DACH1: variants seen among roughly 807,000 people sequenced by gnomAD.
DACH1 encodes the protein dachshund family transcription factor 1.
DACH1 carries 12 observed loss-of-function variants against 54.2 expected under a neutral mutation model. The ratio of observed to expected loss-of-function variants is 0.22; its 90% CI spans 0.14 to 0.36. DACH1 has a LOEUF of 0.36. DACH1 is among the 10% of genes least tolerant of loss of function. The pLI is 1.00. For missense variants in DACH1, 805 were observed against 929.8 expected (o/e 0.87, Z 1.75); for synonymous variants, 386 against 366.2 (o/e 1.05, Z -0.62).
intron 1 of DACH1, among the ~76,000 whole-genome samples, chr13:71,709,759 C>T (rs1244495193): frequency 1.3e-5 from 2 of 152,156 alleles, no homozygotes; most frequent in East Asian, 1.9e-4. Context: ...GGGTACTGTC[C>T]GCCATTTCAG....
intron 1 of DACH1, among the ~76,000 whole-genome samples, chr13:71,694,803 C>T (rs767879169): frequency 1.3e-5 from 2 of 152,018 alleles, no homozygotes; most frequent in Non-Finnish European, 2.9e-5. Flanking sequence ...GCCTTAAAAG[C>T]GTTGTTTAAA....
intron 2 of DACH1, among the ~76,000 whole-genome samples, chr13:71,679,637 T>C (rs1880776741): frequency 1.3e-5 from 2 of 152,072 alleles, no homozygotes; most frequent in African/African-American, 2.4e-5. Flanking sequence ...ATTAATTATG[T>C]CACAAAGACT....
intron 6 of DACH1, among the ~76,000 whole-genome samples, chr13:71,544,744 T>C (rs1382260771): frequency 6.6e-6 from 1 of 152,086 alleles, no homozygotes; most frequent in Non-Finnish European, 1.5e-5. Context: ...TTGTAAATAA[T>C]ATAGACCCCA....
chr13:71,694,135 G>A (rs1333455466), intron 1 of DACH1, among the ~76,000 whole-genome samples: 1 of 152,108 alleles, frequency 6.6e-6, no homozygotes, highest in Non-Finnish European at 1.5e-5. Context: ...TCACTGACAA[G>A]TTATTTGTAT....
At chr13:71,774,000 GCAA>G (rs1885966384) in intron 1 of DACH1, among the ~76,000 whole-genome samples, 3 of 148,126 alleles carry the variant, frequency 2.0e-5, no homozygotes, top group African/African-American at 4.9e-5. Flanking sequence ...AGGAACAATA[GCAA>G]CAACACCACA....
intron 6 of DACH1, among the ~76,000 whole-genome samples, chr13:71,522,724 T>G (rs897761392): frequency 2.6e-5 from 4 of 152,100 alleles, no homozygotes; most frequent in Non-Finnish European, 4.4e-5. Flanking sequence ...CATTCAGGAA[T>G]GACAGTTTAA....
At chr13:71,570,902 T>A (rs543870210) in intron 4 of DACH1, among the ~76,000 whole-genome samples, 10 of 152,284 alleles carry the variant, frequency 6.6e-5, no homozygotes, top group African/African-American at 2.2e-4. Flanking sequence ...AGTATTCTAA[T>A]TAACAAGTAG....
chr13:71,776,382 A>G (rs1012413690), intron 1 of DACH1, among the ~76,000 whole-genome samples: 1 of 152,144 alleles, frequency 6.6e-6, no homozygotes, highest in Non-Finnish European at 1.5e-5. Flanking sequence ...TTGACATGTA[A>G]CACCTATGTA....
chr13:71,767,096 G>C (rs1020607340), intron 1 of DACH1, among the ~76,000 whole-genome samples: 3 of 151,790 alleles, frequency 2.0e-5, no homozygotes, highest in African/African-American at 7.3e-5. Flanking sequence ...TAATTACTTA[G>C]TCATTGGCAA....
chr13:71,708,004 G>A (rs1237096927), intron 1 of DACH1, among the ~76,000 whole-genome samples: 1 of 151,606 alleles, frequency 6.6e-6, no homozygotes, highest in African/African-American at 2.4e-5. Context: ...TACTTGGTGA[G>A]TAATCTAACT....
At chr13:71,605,330 G>A (rs56900762) in intron 3 of DACH1, among the ~76,000 whole-genome samples, 8,505 of 151,726 alleles carry the variant, frequency 0.056, 439 homozygotes, top group African/African-American at 0.12. Flanking sequence ...CTAATGTATT[G>A]TAATATGATA....
intron 1 of DACH1, among the ~76,000 whole-genome samples, chr13:71,855,851 C>A (rs1594306880): frequency 1.3e-5 from 2 of 151,878 alleles, no homozygotes; most frequent in African/African-American, 4.8e-5. Context: ...AAAAAAGTTT[C>A]TTCTCCTACT....
At chr13:71,502,366 G>A (rs907223405) in intron 6 of DACH1, among the ~76,000 whole-genome samples, 1 of 152,142 alleles carries the variant, frequency 6.6e-6, no homozygotes, top group African/African-American at 2.4e-5. Flanking sequence ...CATGAGTATA[G>A]TGGACATTTA....
chr13:71,477,184 G>A (rs1312949672), intron 8 of DACH1, among the ~76,000 whole-genome samples: 5 of 129,872 alleles, frequency 3.8e-5, no homozygotes, highest in East Asian at 4.9e-4. Flanking sequence ...GCAGTGGCGC[G>A]ATCTTGGCTC....
chr13:71,600,137 C>G (rs1356971736), intron 3 of DACH1, among the ~76,000 whole-genome samples: 4 of 151,982 alleles, frequency 2.6e-5, no homozygotes, highest in African/African-American at 9.7e-5. Context: ...ATCAATATAA[C>G]CAATAGGAAA....
chr13:71,548,019 G>A (rs1462856936), intron 6 of DACH1, among the ~76,000 whole-genome samples: 1 of 151,650 alleles, frequency 6.6e-6, no homozygotes, highest in African/African-American at 2.4e-5. Context: ...TGTGTATGCA[G>A]GGGTATACGT....
At chr13:71,753,175 A>G (rs975667953) in intron 1 of DACH1, among the ~76,000 whole-genome samples, 3 of 152,182 alleles carry the variant, frequency 2.0e-5, no homozygotes, top group African/African-American at 7.2e-5. Context: ...ACACCAAATG[A>G]CAGAACTCTC....
chr13:71,584,365 C>T (rs1873074655), intron 3 of DACH1, among the ~76,000 whole-genome samples: 1 of 152,110 alleles, frequency 6.6e-6, no homozygotes, highest in African/African-American at 2.4e-5. Context: ...CAGAAAGAAA[C>T]ATCTGGAGTA....
intron 1 of DACH1, among the ~76,000 whole-genome samples, chr13:71,864,086 G>A (rs1874532583): frequency 6.6e-6 from 1 of 151,556 alleles, no homozygotes; most frequent in Non-Finnish European, 1.5e-5. Context: ...CCAATTATCT[G>A]AGTAAATGAC....
Sources: allele counts gnomAD v4.1 joint callset (sites outside exome capture counted in the v4.1 genomes callset), GRCh38; gene constraint gnomAD v4.1.1; transcripts MANE v1.5; gene names NCBI Gene and HGNC (gene_info 2026-07-23, HGNC 2026-07-21).